EXO1: variants seen among roughly 807,000 people sequenced by gnomAD.
EXO1 encodes the protein exonuclease 1.
Under a neutral mutation model 84.5 loss-of-function variants are expected in EXO1, and 69 were observed. The observed-to-expected ratio is 0.82, with a 90% confidence interval of 0.67 to 1.00. EXO1 has a LOEUF of 1.00. Among genes scored for constraint, EXO1 ranks in the 50% least tolerant of loss-of-function variants. EXO1 has a pLI of 0.00. For synonymous variants in EXO1, 373 were observed against 366.1 expected (o/e 1.02, Z -0.21); for missense variants, 1,045 against 1,000.7 (o/e 1.04, Z -0.60).
In EXO1 at chr1:241,857,269, A is replaced by G. The variant is rs992659532; in HGVS notation, c.406-76A>G. The G allele has an allele frequency of 7.7e-6, 11 of 1,422,994 alleles. No homozygotes were observed. The African/African-American group carries it at 1.3e-4, about 16-fold the overall frequency. The allele number at this position is 1,422,994 out of a possible 1,614,324, so 88.1% of individuals were successfully genotyped here. A position where few individuals can be genotyped will look rare whatever the true frequency, so the allele number is the denominator to read the frequency against. On this transcript the variant is annotated intron_variant, in intron 6 of 15. Transcript: ENST00000366548. The stretch of plus-strand genomic sequence containing the variant: ...ATGTGCCTGCTGAGGCTAGTAATAA[A>G]GTGGGTTTGAAACAGGAAGTTGTTT...
At chr1:241,862,488 G>A (rs765456002) in intron 10 of EXO1, among the ~76,000 whole-genome samples, 8 of 152,142 alleles carry the variant, frequency 5.3e-5, no homozygotes, top group Admixed American at 2.0e-4. Context: ...CTGATTTCCT[G>A]TAGCCTCCAA....
rs1378002096 is a variant in EXO1 at position 241,879,047 on chromosome 1, CT to C, written c.1814del (p.Leu605GlnfsTer50). ...CATTTCACCACCCACTTTGGGAACACTAAGAAGTTGTTTTAGTTGGTCTGGA... is the reference window on the plus strand; with the variant it reads ...CATTTCACCACCCACTTTGGGAACACAAGAAGTTGTTTTAGTTGGTCTGGA... ...RTISPPTLGT[L>X]RSCFSWSGGL... On this transcript the variant is annotated frameshift_variant, in exon 13 of 16. Transcript: ENST00000366548. LOFTEE classifies it high-confidence loss of function. 6.2e-7 allele frequency: 1 copy of C among 1,614,174 alleles called. No individual in the cohort carries two copies. Among genetic ancestry groups the C allele is most frequent in the South Asian group, 1.1e-5 (1 of 91,088 alleles).
At chr1:241,868,840 C>T (rs1042625231) in intron 11 of EXO1, among the ~76,000 whole-genome samples, 6 of 152,010 alleles carry the variant, frequency 3.9e-5, no homozygotes, top group African/African-American at 9.7e-5. Context: ...CTTTATATTT[C>T]GATTTTTGAT....
intron 9 of EXO1, 104 bp downstream of exon 9, chr1:241,860,808 T>G: frequency 2.2e-6 from 2 of 904,116 alleles, no homozygotes; most frequent in Non-Finnish European, 3.6e-6. Context: ...ACATTATTTT[T>G]TGCTCTCTTT....
chr1:241,884,887 C>T (rs1030005298), intron 14 of EXO1, among the ~76,000 whole-genome samples: 3 of 152,152 alleles, frequency 2.0e-5, no homozygotes, highest in African/African-American at 7.2e-5. Context: ...TTTACCATTG[C>T]TCATGGGTTA....
rs1662585746 is a variant in EXO1 at position 241,879,138 on chromosome 1, G to T, written c.1904G>T (p.Arg635Ile). The T allele has an allele frequency of 7.5e-6, 12 of 1,609,866 alleles. No homozygotes were observed. Among genetic ancestry groups the T allele is most frequent in the Non-Finnish European group, 8.5e-6 (10 of 1,176,246 alleles). ...SPSTALQQFR[R>I]KSDSPTSLPE... Reference sequence around the variant, plus strand: ...AGCACAGCATTGCAGCAGTTCCGAAGAAAGAGCGATTCCCCCACCTCTTTG... The same window carrying T: ...AGCACAGCATTGCAGCAGTTCCGAATAAAGAGCGATTCCCCCACCTCTTTG... The change falls in exon 13 of 16, where the codon AGA becomes ATA. Residue 635 changes from arginine to isoleucine, a missense_variant. Coordinates refer to ENST00000366548, the MANE Select transcript of EXO1 (RefSeq NM_130398.4).
intron 8 of EXO1, among the ~76,000 whole-genome samples, 154 bp from the exon 9 acceptor site, chr1:241,860,363 G>A (rs1029114589): frequency 3.9e-5 from 6 of 152,150 alleles, no homozygotes; most frequent in African/African-American, 1.4e-4. Context: ...TTTAAGTGAT[G>A]TAACATGGTT....
At chr1:241,859,258 TGAGA>T (rs34169442) in intron 8 of EXO1, among the ~76,000 whole-genome samples, 4 of 151,956 alleles carry the variant, frequency 2.6e-5, no homozygotes, top group South Asian at 2.1e-4. Context: ...ACAAAAATTA[TGAGA>T]GAGAGGAATC....
At chr1:241,849,552 T>C (rs1660534901) in intron 3 of EXO1, among the ~76,000 whole-genome samples, 1 of 152,258 alleles carries the variant, frequency 6.6e-6, no homozygotes, top group African/African-American at 2.4e-5. Context: ...GCGCCACCAC[T>C]GTTTATTACC....
At chr1:241,861,645 A>T (rs1661396883) in intron 10 of EXO1, 143 bp downstream of exon 10, 1 of 677,484 alleles carries the variant, frequency 1.5e-6, no homozygotes, top group African/African-American at 1.8e-5. Flanking sequence ...AAACAACTTG[A>T]TCCTAGAGAA....
At position 241,889,631 on chromosome 1, in the gene EXO1, A is replaced by G. The variant is rs1026944417; in HGVS notation, c.*31A>G. The G allele has an allele frequency of 2.5e-6, 4 of 1,611,158 alleles. No homozygotes were observed. Among genetic ancestry groups the G allele is most frequent in the Admixed American group, 1.7e-5 (1 of 60,024 alleles). On this transcript the variant is annotated 3_prime_UTR_variant, in exon 16 of 16. Coordinates refer to ENST00000366548, the MANE Select transcript of EXO1 (RefSeq NM_130398.4). Reference sequence around the variant, plus strand: ...GACTGCTGCAAAGCTTTTGCCTGCAAGAGAATCTGATCAATTTGAAGTCCC... The same window carrying G: ...GACTGCTGCAAAGCTTTTGCCTGCAGGAGAATCTGATCAATTTGAAGTCCC...
rs1395269472 is a variant in EXO1, at chr1:241,848,474, C to A, written c.-420+121C>A. On this transcript the variant is annotated intron_variant, in intron 1 of 15. Coordinates refer to ENST00000366548, the MANE Select transcript of EXO1 (RefSeq NM_130398.4). The surrounding 1 kb of genome is among the most constrained non-coding windows in gnomAD (Gnocchi z 4.2). The stretch of plus-strand genomic sequence containing the variant: ...CCAGGAAGGGAAGGAGAGGGTCTGG[C>A]GTGATCTTCCCAACCCAACAGCGGA... 1 of 152,276 alleles carries A rather than the reference C, an allele frequency of 6.6e-6. No individual in the cohort carries two copies. The highest frequency in any genetic ancestry group is 6.5e-5 in the Admixed American group (1 of 15,270). The allele number at this position is 152,276 out of a possible 1,614,324, so 9.4% of individuals were successfully genotyped here.
At chr1:241,867,688 C>T (rs377130351) in intron 11 of EXO1, among the ~76,000 whole-genome samples, 332 of 152,020 alleles carry the variant, frequency 2.2e-3, no homozygotes, top group African/African-American at 7.7e-3. Flanking sequence ...TTTCCTTTCC[C>T]CATTTAATTG....
At chr1:241,873,146 C>T (rs1662208367) in intron 12 of EXO1, among the ~76,000 whole-genome samples, 3 of 151,858 alleles carry the variant, frequency 2.0e-5, no homozygotes. Flanking sequence ...CATATGTATA[C>T]ATGTGCCATG....
intron 4 of EXO1, among the ~76,000 whole-genome samples, chr1:241,851,083 G>A (rs1027980695): frequency 6.6e-6 from 1 of 151,982 alleles, no homozygotes; most frequent in African/African-American, 2.4e-5. Context: ...GCCTGCTTTG[G>A]CCTCCCAAAG....
At chr1:241,851,201 C>G (rs1660654076) in intron 4 of EXO1, among the ~76,000 whole-genome samples, 1 of 152,176 alleles carries the variant, frequency 6.6e-6, no homozygotes, top group South Asian at 2.1e-4. Flanking sequence ...CTCCCACATT[C>G]TTGGGTACAG....
Position 241,859,014 on chromosome 1 carries a change from G to A in EXO1, c.756+296G>A, listed in dbSNP as rs138492513. Among the ~76,000 whole-genome samples, 11 of 152,256 alleles carry A rather than the reference G, an allele frequency of 7.2e-5. No individual in the cohort carries two copies. The East Asian group carries it at 2.1e-3, about 29-fold the overall frequency. ...AAACTCGGAGTCTTTTGACTTCTGT[G>A]CTATAACTCTATAGTAGTGGTTCTC... is the stretch of plus-strand genomic sequence containing the variant. On this transcript the variant is annotated intron_variant, in intron 8 of 15. Transcript: ENST00000366548.
intron 12 of EXO1, among the ~76,000 whole-genome samples, chr1:241,876,658 G>T (rs1034703819): frequency 2.6e-5 from 4 of 152,090 alleles, no homozygotes; most frequent in Admixed American, 2.6e-4. Flanking sequence ...AATTTTACAT[G>T]TTTTTCTATT....
chr1:241,880,171 A>G (rs1662673057), intron 13 of EXO1, among the ~76,000 whole-genome samples: 3 of 152,154 alleles, frequency 2.0e-5, no homozygotes, highest in African/African-American at 7.2e-5. Context: ...AGGTGTGCAT[A>G]CTGGTCTAGA....
Sources: allele counts gnomAD v4.1 joint callset (sites outside exome capture counted in the v4.1 genomes callset), GRCh38; gene constraint gnomAD v4.1.1; non-coding constraint Gnocchi (gnomAD v3.1); transcripts MANE v1.5; gene names NCBI Gene and HGNC (gene_info 2026-07-23, HGNC 2026-07-21).